PRDM16: variants seen among roughly 807,000 people sequenced by gnomAD.
The protein encoded by PRDM16 is histone-lysine N-methyltransferase PRDM16.
Under a neutral mutation model 110.6 loss-of-function variants are expected in PRDM16, and 23 were observed. That is an observed-to-expected ratio of 0.21 (90% CI 0.15 to 0.29). The LOEUF (loss-of-function observed/expected upper bound fraction) is 0.29. Ranked by LOEUF, PRDM16 falls within the 10% of genes least tolerant of loss-of-function variation. PRDM16 has a pLI of 1.00. For missense variants in PRDM16, 1,615 were observed against 1,794.3 expected (o/e 0.90, Z 1.81); for synonymous variants, 799 against 781.8 (o/e 1.02, Z -0.37).
intron 1 of PRDM16, among the ~76,000 whole-genome samples, chr1:3,169,441 AGGCCGAGGGGCTTGTTGGCCTGGGGTTTG>A (rs1417119254): frequency 2.0e-4 from 31 of 152,056 alleles, no homozygotes; most frequent in Non-Finnish European, 3.7e-4. Flanking sequence ...GTGGGAGTGC[AGGCCGAGGGGCTTGTTGGCCTGGGGTTTG>A]AGCCCCACCC....
At position 3,140,652 on chromosome 1, in the gene PRDM16, G is replaced by A. The variant is rs183410110; in HGVS notation, c.38-45473G>A. ...AGCTGAGCTCAGGGCTGTAAAAACCGGGACAGCGTCGCCACCAGGCAGCTC... is the reference window on the plus strand; with the variant it reads ...AGCTGAGCTCAGGGCTGTAAAAACCAGGACAGCGTCGCCACCAGGCAGCTC... On this transcript the variant is annotated intron_variant, in intron 1 of 16. Coordinates refer to ENST00000270722, the MANE Select transcript of PRDM16 (RefSeq NM_022114.4). Among the ~76,000 whole-genome samples, 14 of 152,324 alleles carry A rather than the reference G, an allele frequency of 9.2e-5. No homozygotes were observed. The East Asian group carries it at 2.1e-3, about 23-fold the overall frequency.
intron 1 of PRDM16, among the ~76,000 whole-genome samples, chr1:3,158,523 A>G (rs1643874558): frequency 6.6e-6 from 1 of 152,162 alleles, no homozygotes; most frequent in South Asian, 2.1e-4. Flanking sequence ...AGTCATTTGA[A>G]TCTTAAAATT....
chr1:3,098,041 G>A (rs939517782), intron 1 of PRDM16, among the ~76,000 whole-genome samples: 1 of 152,112 alleles, frequency 6.6e-6, no homozygotes, highest in South Asian at 2.1e-4. Flanking sequence ...AACTGCCCCC[G>A]CCCCTCTCCC....
chr1:3,217,279 C>T lies in PRDM16; in HGVS notation c.388-26808C>T, dbSNP rs542798450. Reference sequence around the variant, plus strand: ...CGTCCAGCTCCTTAGCCTGGGTTAGCGCTGGGGATGGGGCGGCCACAGCAG... The same window carrying T: ...CGTCCAGCTCCTTAGCCTGGGTTAGTGCTGGGGATGGGGCGGCCACAGCAG... On this transcript the variant is annotated intron_variant, in intron 2 of 16. Transcript: ENST00000270722. Among the ~76,000 whole-genome samples the T allele has an allele frequency of 2.0e-4, 30 of 152,330 alleles. 4 individuals are homozygous for T. The South Asian group carries it at 5.8e-3, about 29-fold the overall frequency.
intron 3 of PRDM16, among the ~76,000 whole-genome samples, chr1:3,254,492 C>T (rs1318521508): frequency 6.6e-6 from 1 of 152,168 alleles, no homozygotes; most frequent in African/African-American, 2.4e-5. Context: ...GTACAAAAAT[C>T]ACAAGCATTC....
At chr1:3,352,294 C>A (rs1642510394) in intron 3 of PRDM16, among the ~76,000 whole-genome samples, 1 of 152,180 alleles carries the variant, frequency 6.6e-6, no homozygotes, top group Non-Finnish European at 1.5e-5. Flanking sequence ...CCCATCCCAG[C>A]CGTGCCCACC....
intron 3 of PRDM16, among the ~76,000 whole-genome samples, chr1:3,347,901 G>A (rs1642394244): frequency 6.6e-6 from 1 of 152,162 alleles, no homozygotes; most frequent in Non-Finnish European, 1.5e-5. Context: ...CCCATCCCCT[G>A]TGACTTCAGG....
chr1:3,299,638 C>T (rs546245450), intron 3 of PRDM16, among the ~76,000 whole-genome samples: 2 of 130,156 alleles, frequency 1.5e-5, no homozygotes, highest in East Asian at 2.7e-4. Flanking sequence ...GGTGACTCTG[C>T]CCTTGTTGAA....
rs144955009 is a variant in PRDM16 at position 3,421,095 on chromosome 1, T to G, written c.2939+2351T>G. On this transcript the variant is annotated intron_variant, in intron 12 of 16. Transcript: ENST00000270722. The stretch of plus-strand genomic sequence containing the variant: ...TCGGGGGCTGCACGCGGCCCGTGCA[T>G]GTCCTTTCTTTTTTAGTTGTATTTT... Among the ~76,000 whole-genome samples, 1,370 of 152,228 alleles carry G rather than the reference T, an allele frequency of 9.0e-3. 7 individuals carry two copies. The highest frequency in any genetic ancestry group is 0.014 in the Non-Finnish European group (968 of 67,990).
intron 1 of PRDM16, among the ~76,000 whole-genome samples, chr1:3,177,103 GT>G (rs1185482706): frequency 6.6e-6 from 1 of 151,706 alleles, no homozygotes; most frequent in Non-Finnish European, 1.5e-5. Flanking sequence ...ACTTATCTAT[GT>G]ATTCATCCAC....
At chr1:3,399,270 A>C (rs904893604) in intron 5 of PRDM16, among the ~76,000 whole-genome samples, 1 of 152,254 alleles carries the variant, frequency 6.6e-6, no homozygotes, top group African/African-American at 2.4e-5. Flanking sequence ...GACAGAGCGC[A>C]TGAGCCAGCC....
intron 3 of PRDM16, among the ~76,000 whole-genome samples, chr1:3,372,205 G>C (rs769026420): frequency 7.9e-5 from 12 of 152,240 alleles, no homozygotes; most frequent in Admixed American, 2.0e-4. Flanking sequence ...TCCTTGGTAG[G>C]TTCCTCAGCC....
At chr1:3,229,030 A>G (rs1053704720) in intron 2 of PRDM16, among the ~76,000 whole-genome samples, 5 of 152,264 alleles carry the variant, frequency 3.3e-5, no homozygotes, top group Admixed American at 6.5e-5. Flanking sequence ...TAGCTCTTCA[A>G]GATGAGCCTT....
At chr1:3,304,423 A>T (rs1641267921) in intron 3 of PRDM16, among the ~76,000 whole-genome samples, 1 of 152,212 alleles carries the variant, frequency 6.6e-6, no homozygotes, top group Admixed American at 6.5e-5. Flanking sequence ...CTGAAACCAC[A>T]TTTGCAGCCT....
At chr1:3,335,875 T>C (rs374474416) in intron 3 of PRDM16, among the ~76,000 whole-genome samples, 5 of 152,294 alleles carry the variant, frequency 3.3e-5, no homozygotes, top group South Asian at 4.1e-4. Context: ...GCTCCTGCAC[T>C]GAAGTGTGGG....
intron 1 of PRDM16, among the ~76,000 whole-genome samples, chr1:3,177,488 A>G (rs1210620542): frequency 6.6e-6 from 1 of 152,120 alleles, no homozygotes; most frequent in Non-Finnish European, 1.5e-5. Context: ...TCTGAGCTTC[A>G]CTTCTTTGAT....
chr1:3,317,235 T>C (rs1255561362), intron 3 of PRDM16, among the ~76,000 whole-genome samples: 1 of 152,236 alleles, frequency 6.6e-6, no homozygotes, highest in Non-Finnish European at 1.5e-5. Flanking sequence ...ATCTTTGCTG[T>C]CTGCTCCTAT....
intron 3 of PRDM16, among the ~76,000 whole-genome samples, chr1:3,313,534 G>A (rs1190758619): frequency 1.3e-5 from 2 of 152,232 alleles, no homozygotes; most frequent in Admixed American, 6.5e-5. Context: ...GAATTCAGAT[G>A]TGAATGGAAA....
At chr1:3,404,964 C>A in intron 7 of PRDM16, 78 bp downstream of exon 7, 2 of 1,494,896 alleles carry the variant, frequency 1.3e-6, no homozygotes, top group Non-Finnish European at 1.8e-6. Context: ...GTGCTCCCTA[C>A]ACCCCCTGGT....
Sources: gnomAD v4.1 joint callset for allele counts (sites outside exome capture counted in the v4.1 genomes callset) on GRCh38, gnomAD v4.1.1 for gene constraint, MANE v1.5 for transcripts, NCBI Gene and HGNC (gene_info 2026-07-23, HGNC 2026-07-21) for gene names.